ZNF213: variants seen among roughly 807,000 people sequenced by gnomAD.
ZNF213 encodes the protein putative transcription factor CR53.
In ZNF213, 32 loss-of-function variants were observed where a neutral mutation model predicts 46.0. The ratio of observed to expected loss-of-function variants is 0.70; its 90% CI spans 0.52 to 0.93. ZNF213 has a LOEUF of 0.93. Among genes scored for constraint, ZNF213 ranks in the 40% least tolerant of loss-of-function variants. The probability of loss-of-function intolerance (pLI) is 0.00; values close to 1 mark genes in which losing one functional copy is unlikely to be tolerated. For missense variants in ZNF213, 639 were observed against 652.8 expected (o/e 0.98, Z 0.23); for synonymous variants, 297 against 271.0 (o/e 1.10, Z -0.94).
In ZNF213 at chr16:3,138,779, C is replaced by T. The variant is rs35190304; in HGVS notation, c.558C>T (p.Pro186=). 4,239 of 1,614,008 alleles carry T rather than the reference C, an allele frequency of 2.6e-3. 119 individuals carry two copies. In the African/African-American group the frequency reaches 0.05, roughly 19 times the overall value. The change falls in exon 4 of 6, where the codon CCC becomes CCT. Residue 186 remains proline, a synonymous_variant. Coordinates refer to ENST00000396878, the MANE Select transcript of ZNF213 (RefSeq NM_004220.3). ...CTGCTCTTCTTAAAGAGGGTCGTCC[C>T]GGAGAGACGACGGACACCTGCTTTG... ...QPPALLKEGR[P]GETTDTCFVS...
In ZNF213 at chr16:3,140,931, TG is replaced by T; in HGVS notation, c.965del (p.Cys322LeufsTer225). ...AAEKPHSCGQ[C>X]GKRFRWGSDL... ...CGAGAAGCCGCACAGCTGCGGGCAG[TG>T]TGGAAAGCGCTTCCGCTGGGGCTCG... On this transcript the variant is annotated frameshift_variant, in exon 6 of 6. Coordinates refer to ENST00000396878, the MANE Select transcript of ZNF213 (RefSeq NM_004220.3). LOFTEE classifies it high-confidence loss of function. The T allele has an allele frequency of 6.3e-7, 1 of 1,597,998 alleles. No individual in the cohort carries two copies. Among genetic ancestry groups the T allele is most frequent in the South Asian group, 1.1e-5 (1 of 90,238 alleles).
intron 1 of ZNF213, among the ~76,000 whole-genome samples, chr16:3,136,322 G>A (rs1327792124): frequency 6.6e-6 from 1 of 152,106 alleles, no homozygotes; most frequent in African/African-American, 2.4e-5. Flanking sequence ...GAATTCAGAG[G>A]TTTTCAAATT....
In ZNF213 at chr16:3,140,857, G is replaced by A; in HGVS notation, c.890G>A (p.Arg297Gln). 1 of 1,577,596 alleles carries A rather than the reference G, an allele frequency of 6.3e-7. No individual in the cohort carries two copies. Among genetic ancestry groups the A allele is most frequent in the East Asian group, 2.3e-5 (1 of 44,336 alleles). ...RAALGPVVGA[R>Q]RGRPPTRRRQ... ...GCCCTGGGCCCAGTGGTGGGCGCGCGACGGGGGCGGCCACCCACTCGCCGG... is the reference window on the plus strand; with the variant it reads ...GCCCTGGGCCCAGTGGTGGGCGCGCAACGGGGGCGGCCACCCACTCGCCGG... Residue 297 changes from arginine to glutamine, a missense_variant, in exon 6 of 6, where the codon CGA (arginine) becomes CAA (glutamine). Arg to Gln is a conservative substitution (Grantham distance 43). Coordinates refer to ENST00000396878, the MANE Select transcript of ZNF213 (RefSeq NM_004220.3).
intron 1 of ZNF213, among the ~76,000 whole-genome samples, chr16:3,135,692 C>T (rs1957526691): frequency 6.6e-6 from 1 of 152,080 alleles, no homozygotes; most frequent in Admixed American, 6.6e-5. Context: ...AGGAAAAGGT[C>T]TGGGACGTCA....
chr16:3,141,268 G>C lies in ZNF213; in HGVS notation c.1301G>C (p.Cys434Ser). Residue 434 changes from cysteine to serine, a missense_variant, in exon 6 of 6, where the codon TGC becomes TCC. Transcript: ENST00000396878. ...TGERPFGCGE[C>S]DKSFKQRAHL... Reference sequence around the variant, plus strand: ...GAGCGGCCCTTCGGCTGCGGAGAGTGCGACAAGAGCTTCAAGCAGCGCGCG... The same window carrying C: ...GAGCGGCCCTTCGGCTGCGGAGAGTCCGACAAGAGCTTCAAGCAGCGCGCG... The C allele has an allele frequency of 6.2e-7, 1 of 1,611,892 alleles. No homozygotes were observed. Among genetic ancestry groups the C allele is most frequent in the South Asian group, 1.1e-5 (1 of 91,074 alleles).
chr16:3,137,797 C>A, intron 2 of ZNF213, 118 bp downstream of exon 2: 1 of 1,270,530 alleles, frequency 7.9e-7, no homozygotes, highest in Non-Finnish European at 1.1e-6. Flanking sequence ...ACAGAGCCCC[C>A]AGGAGCAGGC....
intron 1 of ZNF213, among the ~76,000 whole-genome samples, chr16:3,136,254 T>A (rs1200585880): frequency 6.6e-6 from 1 of 152,164 alleles, no homozygotes; most frequent in African/African-American, 2.4e-5. Flanking sequence ...TGTGGATAAA[T>A]GGCTTTGGAT....
intron 1 of ZNF213, among the ~76,000 whole-genome samples, chr16:3,135,907 T>G (rs1469512582): frequency 1.3e-5 from 2 of 149,826 alleles, no homozygotes; most frequent in Admixed American, 1.3e-4. Context: ...GGTGCGATCA[T>G]AGCTCATTGC....
At chr16:3,139,300 A>G in intron 5 of ZNF213, 1 of 693,880 alleles carries the variant, frequency 1.4e-6, no homozygotes, top group Non-Finnish European at 2.3e-6. Context: ...GGCGCTGCCC[A>G]GCCCTGCAGT....
rs1957548925 is a variant in ZNF213, at chr16:3,137,219, T to G, written c.-62T>G. On this transcript the variant is annotated 5_prime_UTR_variant, in exon 2 of 6. It removes the in-frame stop codon of an upstream open reading frame in the 5' UTR. Coordinates refer to ENST00000396878, the MANE Select transcript of ZNF213 (RefSeq NM_004220.3). ...ACCACAGGGGATCCCTCTGGGAGAC[T>G]GAAAGTACAGGTTCTGGGGCCCAGG... 6.6e-7 allele frequency: 1 copy of G among 1,518,586 alleles called. No homozygotes were observed. Among genetic ancestry groups the G allele is most frequent in the East Asian group, 2.3e-5 (1 of 44,142 alleles). 94.1% of individuals were successfully genotyped at this position (1,518,586 alleles called of 1,614,324 possible).
chr16:3,138,292 C>T, intron 2 of ZNF213, 126 bp from the exon 3 acceptor site: 1 of 1,514,324 alleles, frequency 6.6e-7, no homozygotes, highest in East Asian at 2.3e-5. Flanking sequence ...CCTGGGGCAC[C>T]ATATTGGTCT....
Position 3,137,302 on chromosome 16 carries a change from C to G in ZNF213, c.22C>G (p.Gln8Glu), listed in dbSNP as rs776891443. 4 of 1,603,882 alleles carry G rather than the reference C, an allele frequency of 2.5e-6. No homozygotes were observed. Among genetic ancestry groups the G allele is most frequent in the Non-Finnish European group, 3.4e-6 (4 of 1,173,556 alleles). MAAPLEA[Q>E]DQAPGEGEGL... ...GGGAATGGCAGCCCCCTTGGAGGCC[C>G]AGGACCAGGCCCCTGGGGAGGGAGA... The change falls in exon 2 of 6, where the codon CAG (glutamine) becomes GAG (glutamate). Residue 8 changes from glutamine (Q) to glutamate (E), a missense_variant. Physicochemically the swap from Gln to Glu is conservative, Grantham distance 29. Coordinates refer to ENST00000396878, the MANE Select transcript of ZNF213 (RefSeq NM_004220.3).
chr16:3,141,018 G>A lies in ZNF213; in HGVS notation c.1051G>A (p.Asp351Asn), dbSNP rs772208936. 10 of 1,612,446 alleles carry A rather than the reference G, an allele frequency of 6.2e-6. No individual in the cohort carries two copies. Among genetic ancestry groups the A allele is most frequent in the African/African-American group, 2.7e-5 (2 of 74,924 alleles). Residue 351 changes from aspartate (D) to asparagine (N), a missense_variant, in exon 6 of 6, where the codon GAC becomes AAC. Transcript: ENST00000396878. The stretch of plus-strand genomic sequence containing the variant: ...GAAGCCACACAAGTGCCCTGAGTGC[G>A]ACAAGAGCTTCCGCAGCTCCTCGGA... ...GEKPHKCPEC[D>N]KSFRSSSDLV...
chr16:3,137,861 A>C, intron 2 of ZNF213, 182 bp downstream of exon 2: 18 of 741,060 alleles, frequency 2.4e-5, no homozygotes, highest in Non-Finnish European at 3.2e-5. Flanking sequence ...TCCAAAGTAA[A>C]TGTGATTTAT....
chr16:3,135,633 A>G (rs1957525673), intron 1 of ZNF213, among the ~76,000 whole-genome samples: 1 of 152,280 alleles, frequency 6.6e-6, no homozygotes, highest in Admixed American at 6.5e-5. Flanking sequence ...GTAGAAACAC[A>G]TCAAGCACCT....
At chr16:3,139,460 T>G in intron 5 of ZNF213, 1 of 220,172 alleles carries the variant, frequency 4.5e-6, no homozygotes, top group Non-Finnish European at 9.0e-6. Context: ...TGAGGCCACC[T>G]TGGGCTGCTA....
At position 3,142,579 on chromosome 16, in the gene ZNF213, C is replaced by T. The variant is rs773739196; in HGVS notation, c.*1232C>T. 81 of 142,954 alleles carry T rather than the reference C, an allele frequency of 5.7e-4. No individual in the cohort carries two copies. In the Middle Eastern group the frequency reaches 0.011, roughly 19 times the overall value. 8.9% of individuals were successfully genotyped at this position (142,954 alleles called of 1,614,324 possible). ...TGGTGCCCCATTCCATCGGCACTAA[C>T]GCCCCGCTCCACCGGCACCAGTGCC... is the stretch of plus-strand genomic sequence containing the variant. On this transcript the variant is annotated 3_prime_UTR_variant, in exon 6 of 6. Coordinates refer to ENST00000396878, the MANE Select transcript of ZNF213 (RefSeq NM_004220.3).
intron 5 of ZNF213, chr16:3,139,446 G>C (rs1957578332): frequency 2.1e-5 from 5 of 240,898 alleles, no homozygotes; most frequent in Non-Finnish European, 3.2e-5. Flanking sequence ...ATCAGGCACA[G>C]TTGTGAGGCC....
In ZNF213 at chr16:3,135,111, C is replaced by T. The variant is rs984862207; in HGVS notation, c.-392C>T. Reference sequence around the variant, plus strand: ...GCGTTGTGTGTTTCGGGGGCGGGGGCGGGGGCGGGGGCCGGGGCGGGGACG... The same window carrying T: ...GCGTTGTGTGTTTCGGGGGCGGGGGTGGGGGCGGGGGCCGGGGCGGGGACG... On this transcript the variant is annotated 5_prime_UTR_variant, in exon 1 of 6. Transcript: ENST00000396878. 3.9e-4 allele frequency: 1 copy of T among 2,554 alleles called. No homozygotes were observed. Among genetic ancestry groups the T allele is most frequent in the Non-Finnish European group, 1.0e-3 (1 of 974 alleles). 0.2% of individuals were successfully genotyped at this position (2,554 alleles called of 1,614,324 possible).
Sources: allele counts gnomAD v4.1 joint callset (sites outside exome capture counted in the v4.1 genomes callset), GRCh38; gene constraint gnomAD v4.1.1; transcripts MANE v1.5; gene names NCBI Gene and HGNC (gene_info 2026-07-23, HGNC 2026-07-21).